Variants in FMN2 observed in about 807,000 individuals in gnomAD.
The protein encoded by FMN2 is formin 2.
A neutral mutation model predicts 142.3 loss-of-function variants in FMN2; 51 were observed. The observed-to-expected ratio is 0.36, with a 90% CI of 0.29 to 0.45. FMN2 has a LOEUF of 0.45. Ranked by LOEUF, FMN2 falls within the 20% of genes least tolerant of loss-of-function variation. FMN2 has a pLI of 1.00. For missense variants in FMN2, 1,936 were observed against 2,122.8 expected (o/e 0.91, Z 1.73); for synonymous variants, 882 against 869.8 (o/e 1.01, Z -0.25).
rs199866405 is a variant in FMN2, at chr1:240,207,698, A to G, written c.2886A>G (p.Ala962=). 0.011 allele frequency: 8,534 copies of G among 756,088 alleles called. 189 individuals carry two copies. The highest frequency in any genetic ancestry group is 0.036 in the East Asian group (607 of 16,944). 46.8% of individuals were successfully genotyped at this position (756,088 alleles called of 1,614,324 possible). A position where few individuals can be genotyped will look rare whatever the true frequency, so the allele number is the denominator to read the frequency against. Residue 962 remains alanine, a synonymous_variant, in exon 5 of 18, where the codon GCA becomes GCG. Transcript: ENST00000319653. ...AIPPPPPLPG[A]GIPLPPPLPG... ...CCCCTCCGCCCCCTCTTCCCGGGGC[A>G]GGCATACCCCTTCCTCCCCCTCTTC...
chr1:240,098,097 A>ATTTTTTGTTTTTTTTTTTTTTTTTTTT (rs1661278497), intron 1 of FMN2, among the ~76,000 whole-genome samples: 1 of 98,690 alleles, frequency 1.0e-5, no homozygotes, highest in Non-Finnish European at 1.9e-5. Flanking sequence ...GTTATCTTGA[A>ATTTTTTGTTTTTTTTTTTTTTTTTTTT]TTTTTTTTTT....
intron 6 of FMN2, among the ~76,000 whole-genome samples, chr1:240,249,208 C>T (rs1312067070): frequency 6.6e-6 from 1 of 152,044 alleles, no homozygotes. Context: ...CCTCTGTTTA[C>T]TTCTAGTAGA....
intron 14 of FMN2, among the ~76,000 whole-genome samples, chr1:240,358,408 T>C (rs950299): frequency 0.33 from 49,705 of 152,146 alleles, 8,416 homozygotes; most frequent in Admixed American, 0.44. Context: ...CTCTCAAAGC[T>C]GTTTTCAAGA....
intron 4 of FMN2, among the ~76,000 whole-genome samples, chr1:240,198,122 C>T (rs6660298): frequency 0.3 from 45,880 of 152,116 alleles, 7,182 homozygotes; most frequent in South Asian, 0.36. Flanking sequence ...TAAAATAGTG[C>T]TTTCCTTCCT....
chr1:240,403,163 A>T (rs1674046013), intron 15 of FMN2, among the ~76,000 whole-genome samples: 1 of 152,236 alleles, frequency 6.6e-6, no homozygotes, highest in South Asian at 2.1e-4. Flanking sequence ...TCAGGGTGAG[A>T]AAGGTGTACA....
In FMN2 at chr1:240,092,448, C is replaced by G. The variant is rs1387608825; in HGVS notation, c.339C>G (p.Ser113=). 6.2e-7 allele frequency: 1 copy of G among 1,610,448 alleles called. No individual in the cohort carries two copies. Among genetic ancestry groups the G allele is most frequent in the Non-Finnish European group, 8.5e-7 (1 of 1,178,550 alleles). ...LQTGELDSAH[S]LLTKTPDLSL... ...CCGGGGAGCTGGACAGCGCTCACTC[C>G]CTGCTCACCAAGACTCCAGACCTCA... Residue 113 remains serine, a synonymous_variant, in exon 1 of 18, where the codon TCC becomes TCG. Transcript: ENST00000319653.
intron 15 of FMN2, among the ~76,000 whole-genome samples, chr1:240,424,919 A>G (rs1674886213): frequency 6.6e-6 from 1 of 152,206 alleles, no homozygotes; most frequent in Non-Finnish European, 1.5e-5. Context: ...GTCATTCTTT[A>G]AGTAAACATT....
At chr1:240,284,346 G>A (rs933922583) in intron 7 of FMN2, among the ~76,000 whole-genome samples, 32 of 152,164 alleles carry the variant, frequency 2.1e-4, no homozygotes, top group Admixed American at 1.8e-3. Flanking sequence ...AAGCTGGGGG[G>A]GAGGATTGAG....
Position 240,262,538 on chromosome 1 carries a change from TGTTTG to T in FMN2, c.4153+4509_4153+4513del. ...AAAATTGATTAAATATTTTATACAA[TGTTTG>T]GTCTGTATTTCAGGGGTCAGTGTGC... is the stretch of plus-strand genomic sequence containing the variant. On this transcript the variant is annotated intron_variant, in intron 7 of 17. Coordinates refer to ENST00000319653, the MANE Select transcript of FMN2 (RefSeq NM_020066.5). 2.0e-5 allele frequency among the ~76,000 whole-genome samples: 3 copies of T among 152,246 alleles called. No individual in the cohort carries two copies. The Middle Eastern group carries it at 0.01, about 518-fold the overall frequency.
At position 240,258,002 on chromosome 1, in the gene FMN2, C is replaced by A. The variant is rs146873580; in HGVS notation, c.4123C>A (p.Leu1375Ile). 3.4e-4 allele frequency: 549 copies of A among 1,612,062 alleles called. No homozygotes were observed. Among genetic ancestry groups the A allele is most frequent in the Admixed American group, 5.0e-4 (30 of 59,752 alleles). ...AGCAGTTGGAATACTAATGTCTAGC[C>A]TTCATTTAGATATGAAAGACATACA... ...SQAVGILMSSLHLDMKDIQHA... is the reference protein window; with the variant it reads ...SQAVGILMSSIHLDMKDIQHA... Residue 1375 changes from leucine to isoleucine, a missense_variant, in exon 7 of 18, where the codon CTT (leucine) becomes ATT (isoleucine). Physicochemically the swap from Leu to Ile is conservative, Grantham distance 5. Around this residue, in one of 8 missense-constraint regions of FMN2, gnomAD observed 322 missense variants for 401.6 expected, o/e 0.80. Coordinates refer to ENST00000319653, the MANE Select transcript of FMN2 (RefSeq NM_020066.5).
At chr1:240,178,896 AGAGTT>A (rs1665037917) in intron 3 of FMN2, among the ~76,000 whole-genome samples, 1 of 151,540 alleles carries the variant, frequency 6.6e-6, no homozygotes, top group Non-Finnish European at 1.5e-5. Flanking sequence ...CATAGATATT[AGAGTT>A]AAGAATTTTG....
At chr1:240,121,476 A>G (rs1662245970) in intron 1 of FMN2, among the ~76,000 whole-genome samples, 1 of 151,146 alleles carries the variant, frequency 6.6e-6, no homozygotes, top group Non-Finnish European at 1.5e-5. Context: ...CCCGGGTTCA[A>G]GTGATTCTCT....
chr1:240,329,721 C>T (rs79282821), intron 10 of FMN2, among the ~76,000 whole-genome samples: 1,686 of 152,232 alleles, frequency 0.011, 33 homozygotes, highest in African/African-American at 0.037. Context: ...TTTCTCTGCC[C>T]TCTCCTTTTG....
At chr1:240,127,801 T>C (rs1662573739) in intron 2 of FMN2, among the ~76,000 whole-genome samples, 1 of 152,086 alleles carries the variant, frequency 6.6e-6, no homozygotes, top group African/African-American at 2.4e-5. Flanking sequence ...CTTTGAATGA[T>C]TGAGTGTAGG....
At chr1:240,423,569 A>T (rs1674842385) in intron 15 of FMN2, among the ~76,000 whole-genome samples, 1 of 152,238 alleles carries the variant, frequency 6.6e-6, no homozygotes, top group Non-Finnish European at 1.5e-5. Flanking sequence ...TTCTGCCTGT[A>T]AAGTCTCATT....
rs144682452 is a variant in FMN2, at chr1:240,336,582, A to AAAAAG, written c.4765+2353_4765+2354insAAAAG. Among the ~76,000 whole-genome samples the AAAAAG allele has an allele frequency of 3.6e-3, 362 of 101,856 alleles. 79 individuals are homozygous for AAAAAG. The highest frequency in any genetic ancestry group is 0.017 in the East Asian group (43 of 2,568). 66.8% of individuals were successfully genotyped at this position (101,856 alleles called of 152,430 possible). A position where few individuals can be genotyped will look rare whatever the true frequency, so the allele number is the denominator to read the frequency against. On this transcript the variant is annotated intron_variant, in intron 13 of 17. Transcript: ENST00000319653. ...AAAAAAAAAAAAAAAAAAAAAAAAAAGGTGGTTGCAATTGTTTTCCCATTT... is the reference window on the plus strand; with the variant it reads ...AAAAAAAAAAAAAAAAAAAAAAAAAAAAAAGGGTGGTTGCAATTGTTTTCCCATTT...
intron 2 of FMN2, among the ~76,000 whole-genome samples, chr1:240,167,251 T>G (rs866005857): frequency 1.3e-5 from 2 of 152,218 alleles, no homozygotes; most frequent in Non-Finnish European, 1.5e-5. Context: ...AGTGCTTCTT[T>G]TAAGCACAGC....
chr1:240,437,294 T>A (rs1448883008), intron 15 of FMN2, among the ~76,000 whole-genome samples: 1 of 112,268 alleles, frequency 8.9e-6, no homozygotes, highest in African/African-American at 6.6e-5. Flanking sequence ...ATCTCTTGCT[T>A]TTTTTTTTTT....
intron 2 of FMN2, among the ~76,000 whole-genome samples, chr1:240,148,299 C>CAG (rs754290449): frequency 4.8e-5 from 2 of 41,868 alleles, no homozygotes; most frequent in South Asian, 1.6e-3. Context: ...CAGACAGAGA[C>CAG]AGAGAGAGAG....
Sources: gnomAD v4.1 joint callset for allele counts (sites outside exome capture counted in the v4.1 genomes callset) on GRCh38, gnomAD v4.1.1 for gene constraint, gnomAD v4.1.1 regional missense constraint, MANE v1.5 for transcripts, NCBI Gene and HGNC (gene_info 2026-07-23, HGNC 2026-07-21) for gene names.